ADGRB3: variants seen among roughly 807,000 people sequenced by gnomAD.
ADGRB3 encodes the protein adhesion G protein-coupled receptor B3, also known as brain-specific angiogenesis inhibitor 3.
A neutral mutation model predicts 193.4 loss-of-function variants in ADGRB3; 37 were observed. That is an observed-to-expected ratio of 0.19 (90% CI 0.15 to 0.25). ADGRB3 has a LOEUF of 0.25. Among genes scored for constraint, ADGRB3 ranks in the 10% least tolerant of loss-of-function variants. ADGRB3 has a pLI of 1.00. For missense variants in ADGRB3, 1,637 were observed against 1,852.9 expected, an observed-to-expected ratio of 0.88 and a Z score of 2.14; for synonymous variants, 690 against 644.2, an observed-to-expected ratio of 1.07 and a Z score of -1.08.
chr6:68,903,139 A>G (rs17397525), intron 3 of ADGRB3, among the ~76,000 whole-genome samples: 2,637 of 152,304 alleles, frequency 0.017, 24 homozygotes, highest in Non-Finnish European at 0.026. Flanking sequence ...TGATCAAACA[A>G]TAAAACAAAT....
At chr6:68,884,615 A>G (rs1765850572) in intron 3 of ADGRB3, among the ~76,000 whole-genome samples, 1 of 152,184 alleles carries the variant, frequency 6.6e-6, no homozygotes, top group African/African-American at 2.4e-5. Flanking sequence ...CAGAAACTAC[A>G]TCATGGGAAG....
At chr6:69,053,196 A>G (rs775124894) in intron 15 of ADGRB3, among the ~76,000 whole-genome samples, 17 of 152,202 alleles carry the variant, frequency 1.1e-4, no homozygotes, top group Non-Finnish European at 2.4e-4. Context: ...AAAAAAATGT[A>G]TAGAACCATA....
intron 11 of ADGRB3, among the ~76,000 whole-genome samples, chr6:69,011,399 C>T (rs1468921018): frequency 6.6e-6 from 1 of 151,900 alleles, no homozygotes; most frequent in Non-Finnish European, 1.5e-5. Flanking sequence ...ACTGCATGTT[C>T]TCACTTATAA....
chr6:68,895,452 A>G (rs1366533350), intron 3 of ADGRB3, among the ~76,000 whole-genome samples: 1 of 152,016 alleles, frequency 6.6e-6, no homozygotes, highest in African/African-American at 2.4e-5. Flanking sequence ...GGAATTGAAC[A>G]AATCTGTTTG....
At chr6:69,198,718 A>G (rs1307416551) in intron 17 of ADGRB3, among the ~76,000 whole-genome samples, 4 of 152,248 alleles carry the variant, frequency 2.6e-5, no homozygotes, top group East Asian at 3.9e-4. Context: ...ATGTAGGGCC[A>G]TATAGTCATC....
intron 17 of ADGRB3, among the ~76,000 whole-genome samples, chr6:69,094,685 A>G (rs1000657479): frequency 2.6e-5 from 4 of 152,180 alleles, no homozygotes; most frequent in Non-Finnish European, 5.9e-5. Flanking sequence ...TTGGCTATCT[A>G]TATAGAAGAT....
At chr6:69,178,836 C>G (rs1299928449) in intron 17 of ADGRB3, among the ~76,000 whole-genome samples, 1 of 152,206 alleles carries the variant, frequency 6.6e-6, no homozygotes, top group Admixed American at 6.5e-5. Flanking sequence ...ATGAGATTTC[C>G]TTTGTAAGTG....
chr6:68,854,560 T>C (rs1764915653), intron 3 of ADGRB3, among the ~76,000 whole-genome samples: 1 of 142,394 alleles, frequency 7.0e-6, no homozygotes, highest in African/African-American at 2.5e-5. Context: ...AAAAAGCTTG[T>C]CTTTTTTTTG....
chr6:68,971,794 T>C (rs1356055204), intron 8 of ADGRB3, among the ~76,000 whole-genome samples: 1 of 152,224 alleles, frequency 6.6e-6, no homozygotes, highest in Non-Finnish European at 1.5e-5. Flanking sequence ...TACTAACTTT[T>C]CTTCTTTTCC....
At chr6:68,713,564 C>T (rs1377927007) in intron 3 of ADGRB3, among the ~76,000 whole-genome samples, 9 of 151,784 alleles carry the variant, frequency 5.9e-5, no homozygotes, top group Non-Finnish European at 8.8e-5. Flanking sequence ...CTCTATCTAA[C>T]ATTTTTATTT....
At chr6:68,801,851 A>T (rs1201422879) in intron 3 of ADGRB3, among the ~76,000 whole-genome samples, 1 of 152,200 alleles carries the variant, frequency 6.6e-6, no homozygotes, top group Non-Finnish European at 1.5e-5. Context: ...CTTGACAAGT[A>T]TGTACAGACA....
intron 17 of ADGRB3, among the ~76,000 whole-genome samples, chr6:69,173,874 G>A (rs535111595): frequency 6.6e-6 from 1 of 152,122 alleles, no homozygotes; most frequent in Non-Finnish European, 1.5e-5. Flanking sequence ...TTTATGACTG[G>A]GTAGGAAAAG....
intron 13 of ADGRB3, 146 bp from the exon 14 acceptor site, chr6:69,048,039 A>G: frequency 1.1e-6 from 1 of 881,974 alleles, no homozygotes; most frequent in South Asian, 1.8e-5. Flanking sequence ...TTGTCTAATA[A>G]GACATAAGTT....
intron 3 of ADGRB3, among the ~76,000 whole-genome samples, chr6:68,737,287 T>C (rs929434244): frequency 1.3e-5 from 2 of 152,170 alleles, no homozygotes; most frequent in African/African-American, 4.8e-5. Context: ...TTTTGTGGTT[T>C]GTTATTTAGT....
intron 3 of ADGRB3, among the ~76,000 whole-genome samples, chr6:68,763,087 A>C (rs1766443116): frequency 6.6e-6 from 1 of 152,108 alleles, no homozygotes. Flanking sequence ...GTGTTCATTT[A>C]GGAGATAAAT....
At chr6:68,687,340 A>AAAAT (rs1455483946) in intron 3 of ADGRB3, among the ~76,000 whole-genome samples, 3 of 152,122 alleles carry the variant, frequency 2.0e-5, no homozygotes, top group African/African-American at 7.2e-5. Context: ...ATGATCTTCA[A>AAAAT]AAAGTTCATA....
chr6:68,708,751 G>T (rs1229668578), intron 3 of ADGRB3, among the ~76,000 whole-genome samples: 2 of 152,116 alleles, frequency 1.3e-5, no homozygotes, highest in Non-Finnish European at 2.9e-5. Context: ...CAGATTTAAA[G>T]CTTCCTTTGA....
chr6:69,319,612 AATT>A (rs1349939873), intron 20 of ADGRB3, among the ~76,000 whole-genome samples: 1 of 151,306 alleles, frequency 6.6e-6, no homozygotes, highest in Admixed American at 6.6e-5. Context: ...TACTTTGAAA[AATT>A]ATTATTGTTT....
At chr6:69,129,530 C>T (rs1773947590) in intron 17 of ADGRB3, among the ~76,000 whole-genome samples, 1 of 152,068 alleles carries the variant, frequency 6.6e-6, no homozygotes, top group African/African-American at 2.4e-5. Flanking sequence ...ATAGAAAAGT[C>T]ATAAGAAAAC....
Sources: gnomAD v4.1 joint callset for allele counts (sites outside exome capture counted in the v4.1 genomes callset) on GRCh38, gnomAD v4.1.1 for gene constraint, MANE v1.5 for transcripts, NCBI Gene and HGNC (gene_info 2026-07-23, HGNC 2026-07-21) for gene names.